Variants in FNIP2 observed in about 807,000 individuals in gnomAD.
The protein encoded by FNIP2 is folliculin-interacting protein 2.
Under a neutral mutation model 108.7 loss-of-function variants are expected in FNIP2, and 32 were observed. The observed-to-expected ratio is 0.29, with a 90% CI of 0.22 to 0.40. FNIP2 has a LOEUF of 0.40. FNIP2 is among the 10% of genes least tolerant of loss of function. The pLI, the probability that FNIP2 is intolerant of heterozygous loss-of-function variation, is 1.00. For missense variants in FNIP2, 1,202 were observed against 1,381.6 expected (o/e 0.87, Z 2.06); for synonymous variants, 480 against 496.7 (o/e 0.97, Z 0.45).
At chr4:158,899,834 GTC>G (rs1203002937) in intron 16 of FNIP2, among the ~76,000 whole-genome samples, 2 of 151,936 alleles carry the variant, frequency 1.3e-5, no homozygotes, top group East Asian at 3.9e-4. Flanking sequence ...GGTTTTTTGT[GTC>G]TCTATCTCGT....
intron 1 of FNIP2, among the ~76,000 whole-genome samples, chr4:158,783,703 A>C (rs1427903867): frequency 5.9e-5 from 9 of 152,172 alleles, no homozygotes; most frequent in Admixed American, 5.9e-4. Context: ...TTGTCAGGGC[A>C]GGGGACGAGG....
chr4:158,871,896 G>A (rs1229720470), intron 14 of FNIP2: 2 of 985,188 alleles, frequency 2.0e-6, no homozygotes, highest in Non-Finnish European at 2.4e-6. Flanking sequence ...TGATGCTTTG[G>A]CAATTTCACA....
At chr4:158,811,659 TACACACACAC>T (rs34271944) in intron 1 of FNIP2, among the ~76,000 whole-genome samples, 7 of 151,336 alleles carry the variant, frequency 4.6e-5, no homozygotes, top group East Asian at 1.9e-4. Context: ...CTTTGTTGAT[TACACACACAC>T]ACACAAACAC....
chr4:158,814,038 C>G (rs1198975475), intron 1 of FNIP2, among the ~76,000 whole-genome samples: 1 of 152,040 alleles, frequency 6.6e-6, no homozygotes, highest in Non-Finnish European at 1.5e-5. Flanking sequence ...ATCAGTTTCC[C>G]TATTCTTTTG....
rs1775731479 is a variant in FNIP2 at position 158,772,574 on chromosome 4, T to C, written c.107+3255T>C. Among the ~76,000 whole-genome samples, 3 of 152,212 alleles carry C rather than the reference T, an allele frequency of 2.0e-5. No individual in the cohort carries two copies. The South Asian group carries it at 6.2e-4, about 32-fold the overall frequency. On this transcript the variant is annotated intron_variant, in intron 1 of 16. Transcript: ENST00000264433. ...GGGATATGAAGAACAAGTGAAGGCA[T>C]TGCAGCTGCTTGTTAGCTAGCTGTG...
intron 12 of FNIP2, among the ~76,000 whole-genome samples, 200 bp from the exon 13 acceptor site, chr4:158,867,901 GC>G (rs946786288): frequency 1.3e-5 from 2 of 152,224 alleles, no homozygotes; most frequent in African/African-American, 4.8e-5. Context: ...GGGGTGGTGG[GC>G]CACAGCCTGT....
intron 1 of FNIP2, chr4:158,806,502 T>C: frequency 9.7e-7 from 1 of 1,035,048 alleles, no homozygotes; most frequent in Non-Finnish European, 1.3e-6. Flanking sequence ...GGAATTGTAT[T>C]GATCTGAAAG....
chr4:158,782,235 C>A (rs1223462132), intron 1 of FNIP2, among the ~76,000 whole-genome samples: 1 of 152,156 alleles, frequency 6.6e-6, no homozygotes, highest in Non-Finnish European at 1.5e-5. Flanking sequence ...CACAGGGACC[C>A]TAACTTAAAT....
Position 158,884,118 on chromosome 4 carries a change from G to A in FNIP2, c.2950-7328G>A, listed in dbSNP as rs541541180. On this transcript the variant is annotated intron_variant, in intron 14 of 16. Coordinates refer to ENST00000264433, the MANE Select transcript of FNIP2 (RefSeq NM_020840.3). ...CATTGGGTTAAAAATAGATAATCAC[G>A]TGAAATACTAGTCATTTAAATGTGG... 5.9e-5 allele frequency among the ~76,000 whole-genome samples: 9 copies of A among 152,128 alleles called. No homozygotes were observed. The East Asian group carries it at 1.5e-3, about 26-fold the overall frequency.
intron 15 of FNIP2, among the ~76,000 whole-genome samples, chr4:158,892,693 C>T (rs1782361272): frequency 6.6e-6 from 1 of 152,088 alleles, no homozygotes; most frequent in South Asian, 2.1e-4. Flanking sequence ...GGGCTGACCT[C>T]AGAGACAGGT....
intron 1 of FNIP2, among the ~76,000 whole-genome samples, chr4:158,824,965 T>C (rs1014263541): frequency 1.3e-5 from 2 of 152,246 alleles, no homozygotes; most frequent in Non-Finnish European, 2.9e-5. Flanking sequence ...TGAAGCTGTT[T>C]ACTGCTCCTT....
At position 158,770,571 on chromosome 4, in the gene FNIP2, G is replaced by A. The variant is rs138022401; in HGVS notation, c.107+1252G>A. Among the ~76,000 whole-genome samples the A allele has an allele frequency of 2.2e-3, 329 of 152,208 alleles. 1 individual carries two copies. Among genetic ancestry groups the A allele is most frequent in the African/African-American group, 7.3e-3 (303 of 41,532 alleles). Reference sequence around the variant, plus strand: ...ATTAAACGTGTGTGTGTGTGTGCACGCGCGCTCATGGAAGGCATATTGTGA... The same window carrying A: ...ATTAAACGTGTGTGTGTGTGTGCACACGCGCTCATGGAAGGCATATTGTGA... On this transcript the variant is annotated intron_variant, in intron 1 of 16. Coordinates refer to ENST00000264433, the MANE Select transcript of FNIP2 (RefSeq NM_020840.3).
rs1342482368 is a variant in FNIP2, at chr4:158,868,953, CAGG to C, written c.2320_2322del (p.Glu774del). The stretch of plus-strand genomic sequence containing the variant: ...TAGGAGCCCTTTTAAACCTGGCTTT[CAGG>C]AGAATGTTTGCTGTCCTCAGAATCG... On this transcript the variant is annotated inframe_deletion, in exon 13 of 17. Coordinates refer to ENST00000264433, the MANE Select transcript of FNIP2 (RefSeq NM_020840.3). The surrounding 1 kb of genome is among the most constrained non-coding windows in gnomAD (Gnocchi z 4.6). 5.0e-6 allele frequency: 8 copies of C among 1,613,844 alleles called. No individual in the cohort carries two copies. The African/African-American group carries it at 1.1e-4, about 22-fold the overall frequency.
At chr4:158,818,726 G>A (rs1777712478) in intron 1 of FNIP2, among the ~76,000 whole-genome samples, 1 of 152,218 alleles carries the variant, frequency 6.6e-6, no homozygotes, top group Non-Finnish European at 1.5e-5. Context: ...GTGTATCTGA[G>A]TAGATCTTTG....
At chr4:158,782,495 A>G (rs1368489785) in intron 1 of FNIP2, among the ~76,000 whole-genome samples, 2 of 150,440 alleles carry the variant, frequency 1.3e-5, no homozygotes, top group Middle Eastern at 3.5e-3. Context: ...CTCTTTTTGT[A>G]TCTTTTAATA....
chr4:158,788,281 C>T (rs1027299011), intron 1 of FNIP2, among the ~76,000 whole-genome samples: 9 of 152,220 alleles, frequency 5.9e-5, no homozygotes, highest in African/African-American at 2.2e-4. Flanking sequence ...AGCACTCTGT[C>T]CCCCTGGAGT....
At chr4:158,888,753 A>G (rs934633036) in intron 14 of FNIP2, among the ~76,000 whole-genome samples, 3 of 151,772 alleles carry the variant, frequency 2.0e-5, no homozygotes, top group African/African-American at 7.3e-5. Flanking sequence ...GGTGGGTGTG[A>G]TGGTGCACAC....
intron 16 of FNIP2, among the ~76,000 whole-genome samples, chr4:158,898,220 G>T (rs575649164): frequency 3.3e-5 from 5 of 152,208 alleles, no homozygotes; most frequent in Admixed American, 3.3e-4. Flanking sequence ...TACCAATACC[G>T]TGCTGTTTTG....
Position 158,829,274 on chromosome 4 carries a change from A to T in FNIP2, c.381+49A>T, listed in dbSNP as rs771151927. On this transcript the variant is annotated intron_variant, in intron 3 of 16. Transcript: ENST00000264433. ...ATAGCCCCTGAGGTTAAAGTTATTT[A>T]CTGTAATTTCTCCTTGGGAAATAAT... The T allele has an allele frequency of 5.4e-6, 8 of 1,479,204 alleles. No individual in the cohort carries two copies. In the Admixed American group the frequency reaches 1.8e-4, roughly 33 times the overall value. The allele number at this position is 1,479,204 out of a possible 1,614,324, so 91.6% of individuals were successfully genotyped here.
Sources: gnomAD v4.1 joint callset for allele counts (sites outside exome capture counted in the v4.1 genomes callset) on GRCh38, gnomAD v4.1.1 for gene constraint, Gnocchi (gnomAD v3.1) non-coding constraint, MANE v1.5 for transcripts, NCBI Gene and HGNC (gene_info 2026-07-23, HGNC 2026-07-21) for gene names.